The following SCTR variants were observed in gnomAD, a reference collection of about 807,000 sequenced individuals.
SCTR encodes the protein pancreatic secretin receptor.
A neutral mutation model predicts 60.8 loss-of-function variants in SCTR; 56 were observed. That is an observed-to-expected ratio of 0.92 (90% CI 0.74 to 1.15). The LOEUF is 1.15. SCTR is among the 50% of genes most tolerant of loss of function. The pLI is 0.00. For missense variants in SCTR, 562 were observed against 550.4 expected (o/e 1.02, Z -0.21); for synonymous variants, 202 against 217.0 (o/e 0.93, Z 0.61).
At chr2:119,504,253 T>G (rs1247846671) in intron 1 of SCTR, among the ~76,000 whole-genome samples, 1 of 152,188 alleles carries the variant, frequency 6.6e-6, no homozygotes, top group Non-Finnish European at 1.5e-5. Flanking sequence ...TACACAAAAA[T>G]TAAAATGGAT....
chr2:119,512,173 C>T (rs1232090277), intron 1 of SCTR, among the ~76,000 whole-genome samples: 1 of 151,314 alleles, frequency 6.6e-6, no homozygotes, highest in Non-Finnish European at 1.5e-5. Context: ...TTATTATTTC[C>T]TCCCTTCATC....
chr2:119,484,049 C>T (rs1416934996), intron 2 of SCTR, among the ~76,000 whole-genome samples: 1 of 152,120 alleles, frequency 6.6e-6, no homozygotes, highest in Non-Finnish European at 1.5e-5. Flanking sequence ...AGGGAAGGGA[C>T]ACAGCCCAGG....
intron 2 of SCTR, among the ~76,000 whole-genome samples, chr2:119,481,646 A>C (rs567589125): frequency 6.6e-6 from 1 of 152,294 alleles, no homozygotes; most frequent in South Asian, 2.1e-4. Context: ...GGGGGTCACT[A>C]CCAGCTGTGT....
At chr2:119,479,252 C>T in intron 2 of SCTR, 4 of 1,055,836 alleles carry the variant, frequency 3.8e-6, no homozygotes, top group Non-Finnish European at 4.6e-6. Flanking sequence ...ATCTGTTGGC[C>T]AATCAGTTTG....
chr2:119,460,436 GTGGA>G (rs111277760), intron 7 of SCTR, among the ~76,000 whole-genome samples: 17,568 of 149,396 alleles, frequency 0.12, 1,114 homozygotes, highest in Middle Eastern at 0.16. Context: ...GGGTGGGTGG[GTGGA>G]TGGATGGATG....
chr2:119,455,637 CG>C (rs1683345214), intron 7 of SCTR, among the ~76,000 whole-genome samples: 1 of 152,002 alleles, frequency 6.6e-6, no homozygotes, highest in Non-Finnish European at 1.5e-5. Flanking sequence ...ACGCAATAGA[CG>C]GGTTGGAAGA....
At chr2:119,491,517 ATAT>A (rs1678129462) in intron 2 of SCTR, among the ~76,000 whole-genome samples, 1 of 151,856 alleles carries the variant, frequency 6.6e-6, no homozygotes, top group Non-Finnish European at 1.5e-5. Flanking sequence ...ATTATTATTA[ATAT>A]TATTTTTTTT....
chr2:119,501,409 A>T (rs1329550120), intron 1 of SCTR, among the ~76,000 whole-genome samples: 92 of 133,876 alleles, frequency 6.9e-4, no homozygotes, highest in Non-Finnish European at 1.1e-4. Context: ...GACTCCATCT[A>T]AAAAAAAAAA....
intron 1 of SCTR, among the ~76,000 whole-genome samples, chr2:119,496,570 G>C (rs185858424): frequency 6.6e-6 from 1 of 152,328 alleles, no homozygotes; most frequent in East Asian, 1.9e-4. Context: ...ACTCTGAAAA[G>C]TGGAAGAAGA....
chr2:119,522,384 G>C (rs1679315837), intron 1 of SCTR, among the ~76,000 whole-genome samples: 1 of 152,232 alleles, frequency 6.6e-6, no homozygotes, highest in Non-Finnish European at 1.5e-5. Context: ...AGAGATCTGG[G>C]TGCTAACCTT....
chr2:119,444,453 G>GTA lies in SCTR; in HGVS notation c.1140+2304_1140+2305dup, dbSNP rs1280060213. On this transcript the variant is annotated intron_variant, in intron 11 of 12. Coordinates refer to ENST00000019103, the MANE Select transcript of SCTR (RefSeq NM_002980.3). ...TGAATATACACATATATATACGTACGTATATATATACACATATATACGTAC... is the reference window on the plus strand; with the variant it reads ...TGAATATACACATATATATACGTACGTATATATATATACACATATATACGTAC... Among the ~76,000 whole-genome samples the GTA allele has an allele frequency of 4.7e-5, 5 of 106,192 alleles. 2 individuals carry two copies. The highest frequency in any genetic ancestry group is 1.8e-4 in the Admixed American group (2 of 10,982). The allele number at this position is 106,192 out of a possible 152,430, so 69.7% of individuals were successfully genotyped here. A position where few individuals can be genotyped will look rare whatever the true frequency, so the allele number is the denominator to read the frequency against.
chr2:119,516,605 C>T (rs1486546725), intron 1 of SCTR, among the ~76,000 whole-genome samples: 1 of 152,072 alleles, frequency 6.6e-6, no homozygotes, highest in African/African-American at 2.4e-5. Context: ...TATGAAGTTG[C>T]AGTTACACCA....
At chr2:119,472,686 G>C (rs1266457007) in intron 4 of SCTR, among the ~76,000 whole-genome samples, 1 of 152,078 alleles carries the variant, frequency 6.6e-6, no homozygotes, top group African/African-American at 2.4e-5. Context: ...CCATTGCCCA[G>C]GTTAGAGTGC....
At chr2:119,465,153 T>C (rs964749116) in intron 5 of SCTR, among the ~76,000 whole-genome samples, 2 of 152,196 alleles carry the variant, frequency 1.3e-5, no homozygotes, top group Admixed American at 1.3e-4. Context: ...GAGTTGGGCA[T>C]GTGACCTAAG....
intron 1 of SCTR, among the ~76,000 whole-genome samples, chr2:119,520,662 A>G (rs1679260055): frequency 6.6e-6 from 1 of 152,140 alleles, no homozygotes; most frequent in Admixed American, 6.5e-5. Flanking sequence ...TTTCTTAGCC[A>G]TCAACTGAGG....
At chr2:119,512,119 G>C (rs1279323583) in intron 1 of SCTR, among the ~76,000 whole-genome samples, 1 of 152,112 alleles carries the variant, frequency 6.6e-6, no homozygotes, top group Admixed American at 6.6e-5. Flanking sequence ...CTGAAGACTT[G>C]TGTTCTTCAT....
intron 4 of SCTR, among the ~76,000 whole-genome samples, chr2:119,469,024 G>C (rs928102905): frequency 2.6e-5 from 4 of 152,048 alleles, no homozygotes; most frequent in African/African-American, 9.7e-5. Context: ...CGATAGGAAG[G>C]CTACCATGTG....
intron 7 of SCTR, among the ~76,000 whole-genome samples, chr2:119,456,604 A>C (rs1166954503): frequency 6.6e-6 from 1 of 152,162 alleles, no homozygotes; most frequent in Admixed American, 6.5e-5. Context: ...CAGCCAGGCC[A>C]AGTCAAGCAA....
At chr2:119,464,588 T>C (rs72963130) in intron 5 of SCTR, among the ~76,000 whole-genome samples, 7,914 of 152,220 alleles carry the variant, frequency 0.052, 658 homozygotes, top group African/African-American at 0.18. Context: ...AAAAAATTGT[T>C]TTTGTTTTTA....
Sources: gnomAD v4.1 joint callset for allele counts (sites outside exome capture counted in the v4.1 genomes callset) on GRCh38, gnomAD v4.1.1 for gene constraint, MANE v1.5 for transcripts, NCBI Gene and HGNC (gene_info 2026-07-23, HGNC 2026-07-21) for gene names.